Variants in CHD5 observed in about 807,000 individuals in gnomAD.
The protein encoded by CHD5 is ATP-dependent chromatin remodeler CHD5.
CHD5 carries 69 observed loss-of-function variants against 230.3 expected under a neutral mutation model. The ratio of observed to expected loss-of-function variants is 0.30; its 90% CI spans 0.25 to 0.37. CHD5 has a LOEUF of 0.37. CHD5 is among the 10% of genes least tolerant of loss of function. The pLI, the probability that CHD5 is intolerant of heterozygous loss-of-function variation, is 1.00. For synonymous variants in CHD5, 1,064 were observed against 1,065.9 expected (o/e 1.00, Z 0.03); for missense variants, 1,827 against 2,622.8 (o/e 0.70, Z 6.63).
At chr1:6,116,376 A>G (rs1398457893) in intron 33 of CHD5, among the ~76,000 whole-genome samples, 3 of 152,210 alleles carry the variant, frequency 2.0e-5, no homozygotes, top group Non-Finnish European at 4.4e-5. Flanking sequence ...ATGACTGAGA[A>G]TTTTCCCACA....
In CHD5 at chr1:6,135,417, C is replaced by A. The variant is rs371659485; in HGVS notation, c.2697-14G>T. The A allele has an allele frequency of 2.3e-5, 36 of 1,593,458 alleles. No homozygotes were observed. The highest frequency in any genetic ancestry group is 3.0e-5 in the Non-Finnish European group (35 of 1,168,594). On this transcript the variant is annotated splice_polypyrimidine_tract_variant and intron_variant, in intron 17 of 41. Transcript: ENST00000262450. ...CCCTCCAGGTTGCTGCAACAAAAAG[C>A]TGGGATAACAGCCAGGAGCAGAGGA...
At position 6,136,606 on chromosome 1, in the gene CHD5, A is replaced by G. The variant is rs1380506487; in HGVS notation, c.2607T>C (p.Asp869=). The G allele has an allele frequency of 6.2e-7, 1 of 1,614,140 alleles. No individual in the cohort carries two copies. The highest frequency in any genetic ancestry group is 1.3e-5 in the African/African-American group (1 of 75,038). ...GGGTCCCTGTCAGCAGCAGCTTGTAATCAATCTTGTAGCTGTTTAAGACCC... is the reference window on the plus strand; with the variant it reads ...GGGTCCCTGTCAGCAGCAGCTTGTAGTCAATCTTGTAGCTGTTTAAGACCC... ...FFRVLNSYKI[D]YKLLLTGTPL... Residue 869 remains aspartate, a synonymous_variant, in exon 17 of 42, where the codon GAT becomes GAC. Coordinates refer to ENST00000262450, the MANE Select transcript of CHD5 (RefSeq NM_015557.3).
chr1:6,139,218 C>T (rs201529035), intron 15 of CHD5, among the ~76,000 whole-genome samples: 2,635 of 117,618 alleles, frequency 0.022, 73 homozygotes, highest in African/African-American at 0.07. Flanking sequence ...CTAAACTGTT[C>T]TGTTGTTGTT....
chr1:6,131,787 C>A lies in CHD5; in HGVS notation c.3145-39G>T. On this transcript the variant is annotated intron_variant, in intron 20 of 41. Transcript: ENST00000262450. The surrounding 1 kb of genome is among the most constrained non-coding windows in gnomAD (Gnocchi z 5.0). ...GGGCACGTGAGGAACTGCCAAGGAG[C>A]AAGGGGCCCCATGGGCCATGGGCGG... is the stretch of plus-strand genomic sequence containing the variant. The A allele has an allele frequency of 1.4e-6, 2 of 1,430,206 alleles. No individual in the cohort carries two copies. The highest frequency in any genetic ancestry group is 2.0e-6 in the Non-Finnish European group (2 of 1,017,716). 88.6% of individuals were successfully genotyped at this position (1,430,206 alleles called of 1,614,324 possible).
chr1:6,160,378 A>G (rs868658308), intron 2 of CHD5, among the ~76,000 whole-genome samples: 33 of 105,974 alleles, frequency 3.1e-4, no homozygotes, highest in South Asian at 1.5e-3. Flanking sequence ...GCCAGAGAAG[A>G]AGAGCCCTAG....
At chr1:6,137,089 G>A (rs199938662) in intron 15 of CHD5, among the ~76,000 whole-genome samples, 8 of 128,188 alleles carry the variant, frequency 6.2e-5, no homozygotes, top group African/African-American at 2.2e-4. Context: ...TGTGGAGGAG[G>A]AGAAGAAACG....
chr1:6,134,342 C>A lies in CHD5; in HGVS notation c.3013-83G>T. On this transcript the variant is annotated intron_variant, in intron 19 of 41. Transcript: ENST00000262450. The surrounding 1 kb of genome is among the most constrained non-coding windows in gnomAD (Gnocchi z 6.3). ...CACCAAAGGGGCCGCAGGGAACAGA[C>A]AAGTGCTGAGCAATGGGGTGATGGC... is the stretch of plus-strand genomic sequence containing the variant. 1 of 1,518,854 alleles carries A rather than the reference C, an allele frequency of 6.6e-7. No individual in the cohort carries two copies. Among genetic ancestry groups the A allele is most frequent in the South Asian group, 1.2e-5 (1 of 86,248 alleles). 94.1% of individuals were successfully genotyped at this position (1,518,854 alleles called of 1,614,324 possible).
In CHD5 at chr1:6,179,938, C is replaced by A; in HGVS notation, c.79+7G>T. ...TCTGGCCCCAGGCGCACCCGCGCCC[C>A]GCTCACCTGACATCTCGTCCTCATT... is the stretch of plus-strand genomic sequence containing the variant. On this transcript the variant is annotated splice_region_variant and intron_variant, in intron 1 of 41. Coordinates refer to ENST00000262450, the MANE Select transcript of CHD5 (RefSeq NM_015557.3). 1 of 1,321,314 alleles carries A rather than the reference C, an allele frequency of 7.6e-7. No individual in the cohort carries two copies. The highest frequency in any genetic ancestry group is 9.8e-7 in the Non-Finnish European group (1 of 1,017,782). The allele number at this position is 1,321,314 out of a possible 1,614,324, so 81.8% of individuals were successfully genotyped here.
chr1:6,131,821 C>T lies in CHD5; in HGVS notation c.3145-73G>A. The T allele has an allele frequency of 1.1e-6, 1 of 903,416 alleles. No homozygotes were observed. The highest frequency in any genetic ancestry group is 1.6e-5 in the African/African-American group (1 of 60,620). 56.0% of individuals were successfully genotyped at this position (903,416 alleles called of 1,614,324 possible). A position where few individuals can be genotyped will look rare whatever the true frequency, so the allele number is the denominator to read the frequency against. ...CCATGGGCCATGGGCGGGGACCCCG[C>T]CACAGGCAGGGGAGGAGAGAGCTGC... On this transcript the variant is annotated intron_variant, in intron 20 of 41. Coordinates refer to ENST00000262450, the MANE Select transcript of CHD5 (RefSeq NM_015557.3). The surrounding 1 kb of genome is among the most constrained non-coding windows in gnomAD (Gnocchi z 5.0).
chr1:6,152,285 TG>T, intron 6 of CHD5, 126 bp downstream of exon 6: 2 of 1,014,262 alleles, frequency 2.0e-6, no homozygotes, highest in Non-Finnish European at 2.9e-6. Flanking sequence ...AGGAGAATAG[TG>T]GAGGGGTGCG....
At chr1:6,160,165 A>G (rs1397660191) in intron 2 of CHD5, among the ~76,000 whole-genome samples, 56 of 97,012 alleles carry the variant, frequency 5.8e-4, no homozygotes, top group East Asian at 1.8e-3. Flanking sequence ...GCAAGGGAAG[A>G]GCCCCAGCCA....
At position 6,125,120 on chromosome 1, in the gene CHD5, C is replaced by T; in HGVS notation, c.4374G>A (p.Gly1458=). ...TTTACCTAAACTCCTTCTCGCTCTT[C>T]CCTCGAAGGTCCCGCACCAGCCAGT... is the stretch of plus-strand genomic sequence containing the variant. ...NSHWLVRDLR[G]KSEKEFRAYV... Residue 1458 remains glycine, a synonymous_variant, in exon 29 of 42, where the codon GGG becomes GGA. Coordinates refer to ENST00000262450, the MANE Select transcript of CHD5 (RefSeq NM_015557.3). The surrounding 1 kb of genome is among the most constrained non-coding windows in gnomAD (Gnocchi z 6.7). The T allele has an allele frequency of 6.3e-7, 1 of 1,598,046 alleles. No individual in the cohort carries two copies. Among genetic ancestry groups the T allele is most frequent in the Non-Finnish European group, 8.5e-7 (1 of 1,172,444 alleles).
intron 13 of CHD5, among the ~76,000 whole-genome samples, chr1:6,143,488 C>T (rs1161068600): frequency 6.6e-6 from 1 of 151,776 alleles, no homozygotes; most frequent in African/African-American, 2.4e-5. Flanking sequence ...CCCTAGAAGA[C>T]AGTGTGTCTT....
intron 9 of CHD5, 25 bp downstream of exon 9, chr1:6,148,829 G>A: frequency 1.4e-6 from 2 of 1,460,690 alleles, no homozygotes; most frequent in Non-Finnish European, 9.1e-7. Context: ...CGGGGCGTCC[G>A]GCGCGGGGCG....
Position 6,142,346 on chromosome 1 carries a change from T to C in CHD5, c.2236-18A>G, listed in dbSNP as rs1666841530. 1 of 1,598,028 alleles carries C rather than the reference T, an allele frequency of 6.3e-7. No homozygotes were observed. Among genetic ancestry groups the C allele is most frequent in the East Asian group, 2.3e-5 (1 of 44,444 alleles). Reference sequence around the variant, plus strand: ...GAGTGGCCCTGGAGAGAGAGGCCGATGCCGTGAGACCACCTGCCCTTGGCC... The same window carrying C: ...GAGTGGCCCTGGAGAGAGAGGCCGACGCCGTGAGACCACCTGCCCTTGGCC... On this transcript the variant is annotated intron_variant, in intron 14 of 41. Transcript: ENST00000262450. The surrounding 1 kb of genome is among the most constrained non-coding windows in gnomAD (Gnocchi z 5.2).
rs1308107628 is a variant in CHD5 at position 6,149,239 on chromosome 1, G to A, written c.1161+7C>T. ...CGCCCCCAGCCCGGGGCTCTGCCAA[G>A]GCTTACACAGTGGGGGCAGCTCCAC... On this transcript the variant is annotated splice_region_variant and intron_variant, in intron 8 of 41. Transcript: ENST00000262450. 1.3e-6 allele frequency: 2 copies of A among 1,598,168 alleles called. No homozygotes were observed.
At chr1:6,144,832 G>A (rs905938012) in intron 11 of CHD5, among the ~76,000 whole-genome samples, 14 of 152,364 alleles carry the variant, frequency 9.2e-5, no homozygotes, top group South Asian at 4.1e-4. Flanking sequence ...GTGAGCAGCG[G>A]CTGCTGCGGG....
At chr1:6,163,054 C>T (rs1667202126) in intron 2 of CHD5, among the ~76,000 whole-genome samples, 1 of 152,226 alleles carries the variant, frequency 6.6e-6, no homozygotes, top group Non-Finnish European at 1.5e-5. Flanking sequence ...GAGAGTAGGG[C>T]TGGCAGAAGG....
intron 33 of CHD5, among the ~76,000 whole-genome samples, chr1:6,119,741 A>C (rs370433792): frequency 4.8e-4 from 72 of 151,430 alleles, no homozygotes; most frequent in Middle Eastern, 3.5e-3. Context: ...ATATATAGGT[A>C]CATATGTACG....
Sources: allele counts gnomAD v4.1 joint callset (sites outside exome capture counted in the v4.1 genomes callset), GRCh38; gene constraint gnomAD v4.1.1; non-coding constraint Gnocchi (gnomAD v3.1); transcripts MANE v1.5; gene names NCBI Gene and HGNC (gene_info 2026-07-23, HGNC 2026-07-21).